Variants in WDR27 observed in about 807,000 individuals in gnomAD.
The protein encoded by WDR27 is WD repeat-containing protein 27.
A neutral mutation model predicts 114.4 loss-of-function variants in WDR27; 100 were observed. That is an observed-to-expected ratio of 0.87 (90% CI 0.74 to 1.03). WDR27 has a LOEUF of 1.03. Ranked by LOEUF, WDR27 falls within the 50% of genes least tolerant of loss-of-function variation. The probability of loss-of-function intolerance (pLI) is 0.00; values close to 1 mark genes in which losing one functional copy is unlikely to be tolerated. For synonymous variants in WDR27, 449 were observed against 423.1 expected (o/e 1.06, Z -0.75); for missense variants, 1,129 against 1,092.9 (o/e 1.03, Z -0.47).
intron 25 of WDR27, among the ~76,000 whole-genome samples, chr6:169,514,970 G>A (rs376174865): frequency 2.5e-4 from 38 of 151,664 alleles, no homozygotes; most frequent in African/African-American, 8.7e-4. Context: ...CTTTCCCTAC[G>A]AGATTGGAAA....
intron 25 of WDR27, among the ~76,000 whole-genome samples, chr6:169,518,907 C>G (rs1035444839): frequency 6.6e-6 from 1 of 152,180 alleles, no homozygotes; most frequent in African/African-American, 2.4e-5. Flanking sequence ...AGCAGCCAGG[C>G]CACATCTTGA....
At chr6:169,607,302 A>T (rs1258679017) in intron 22 of WDR27, among the ~76,000 whole-genome samples, 1 of 152,154 alleles carries the variant, frequency 6.6e-6, no homozygotes, top group East Asian at 1.9e-4. Flanking sequence ...GTTTATTGCA[A>T]CACTGTTTAT....
chr6:169,644,279 C>A (rs1335473659), intron 16 of WDR27, among the ~76,000 whole-genome samples: 1 of 151,596 alleles, frequency 6.6e-6, no homozygotes, highest in African/African-American at 2.4e-5. Context: ...AGGAGTCACA[C>A]TGTAGAAAAG....
At chr6:169,494,118 G>C (rs532333907) in intron 25 of WDR27, among the ~76,000 whole-genome samples, 13 of 152,304 alleles carry the variant, frequency 8.5e-5, no homozygotes, top group South Asian at 4.1e-4. Context: ...ACTTGACTGT[G>C]TGATGGGGTG....
At chr6:169,700,234 AG>A (rs1228546143) in intron 1 of WDR27, among the ~76,000 whole-genome samples, 1 of 152,226 alleles carries the variant, frequency 6.6e-6, no homozygotes, top group Non-Finnish European at 1.5e-5. Context: ...GAGGAACCAC[AG>A]CCAGGCCTGA....
chr6:169,664,631 C>T, intron 7 of WDR27: 1 of 1,096,592 alleles, frequency 9.1e-7, no homozygotes, highest in Non-Finnish European at 1.1e-6. Flanking sequence ...GTCCCACATG[C>T]CCTGGGTGAG....
At chr6:169,481,893 T>G (rs1054044373) in intron 25 of WDR27, among the ~76,000 whole-genome samples, 3 of 152,080 alleles carry the variant, frequency 2.0e-5, no homozygotes, top group African/African-American at 4.8e-5. Context: ...ACTGTGAGGG[T>G]CCGCGGCTTC....
the WDR27 span, chr6:169,426,433 CTTA>C: frequency 1.0e-3 from 156 of 152,288 alleles, no homozygotes; most frequent in African/African-American, 3.4e-3. Context: ...TGACAAGCCC[CTTA>C]TTAACTTTAT....
chr6:169,660,314 G>A (rs1825717732), intron 10 of WDR27, among the ~76,000 whole-genome samples: 1 of 152,174 alleles, frequency 6.6e-6, no homozygotes, highest in Non-Finnish European at 1.5e-5. Context: ...GCGAGCCTGG[G>A]GCTCTGGGAG....
chr6:169,448,913 G>A, the WDR27 span, among the ~76,000 whole-genome samples: 2 of 152,192 alleles, frequency 1.3e-5, no homozygotes, highest in Admixed American at 6.5e-5. Flanking sequence ...CACGGCAAGA[G>A]TGCATGCAGC....
intron 25 of WDR27, among the ~76,000 whole-genome samples, chr6:169,516,013 T>C (rs76861634): frequency 0.031 from 4,665 of 152,206 alleles, 103 homozygotes; most frequent in Middle Eastern, 0.065. Flanking sequence ...ACTCCAGCAT[T>C]CATCTGGAAA....
intron 25 of WDR27, among the ~76,000 whole-genome samples, chr6:169,539,289 C>T (rs897777577): frequency 3.9e-5 from 6 of 152,274 alleles, no homozygotes; most frequent in Admixed American, 1.3e-4. Context: ...CGCCCCAACC[C>T]GCTGGGAAGC....
In WDR27 at chr6:169,602,336, GA is replaced by G. The variant is rs2128170879; in HGVS notation, c.2322-16del. 2 of 1,476,092 alleles carry G rather than the reference GA, an allele frequency of 1.4e-6. No homozygotes were observed. The highest frequency in any genetic ancestry group is 5.0e-5 in the East Asian group (2 of 39,930). 91.4% of individuals were successfully genotyped at this position (1,476,092 alleles called of 1,614,324 possible). ...GGCGCTCACACCTACAGGGAGGAAA[GA>G]AACACCAGGAGAAAAATCATTTTAA... On this transcript the variant is annotated splice_polypyrimidine_tract_variant and intron_variant, in intron 22 of 25. Transcript: ENST00000448612.
chr6:169,560,896 G>T (rs1799588410), intron 25 of WDR27, among the ~76,000 whole-genome samples: 1 of 152,084 alleles, frequency 6.6e-6, no homozygotes, highest in Non-Finnish European at 1.5e-5. Context: ...CCTAATTTTA[G>T]AGATAAGAAA....
chr6:169,658,470 T>C (rs1293895520), intron 12 of WDR27, 112 bp from the exon 13 acceptor site: 3 of 768,664 alleles, frequency 3.9e-6, no homozygotes, highest in Non-Finnish European at 6.7e-6. Flanking sequence ...CCTGCAGCTG[T>C]GGACATAACA....
At chr6:169,672,950 G>T (rs941471757) in intron 2 of WDR27, among the ~76,000 whole-genome samples, 1 of 152,172 alleles carries the variant, frequency 6.6e-6, no homozygotes, top group Admixed American at 6.5e-5. Context: ...TGTTTTCCAG[G>T]AACAAAACAT....
chr6:169,443,387 G>A, the WDR27 span, among the ~76,000 whole-genome samples: 1,351 of 152,012 alleles, frequency 8.9e-3, 12 homozygotes, highest in African/African-American at 0.03. Flanking sequence ...GCTTTGATAG[G>A]CATGTTTTCT....
At chr6:169,513,785 G>T (rs1404851842) in intron 25 of WDR27, among the ~76,000 whole-genome samples, 3 of 151,724 alleles carry the variant, frequency 2.0e-5, no homozygotes, top group African/African-American at 7.3e-5. Context: ...TCATTCACTT[G>T]TTTAACATAG....
rs182731585 is a variant in WDR27, at chr6:169,573,433, A to G, written c.2524-893T>C. On this transcript the variant is annotated intron_variant, in intron 24 of 25. Transcript: ENST00000448612. ...ACTGTGCAAGTCCACTTATAGATGG[A>G]TTATTTTTCAACCAAACTCGGATCA... is the stretch of plus-strand genomic sequence containing the variant. 4.5e-3 allele frequency among the ~76,000 whole-genome samples: 687 copies of G among 152,310 alleles called. 7 individuals are homozygous for G. The highest frequency in any genetic ancestry group is 0.016 in the African/African-American group (654 of 41,560).
Sources: allele counts gnomAD v4.1 joint callset (sites outside exome capture counted in the v4.1 genomes callset), GRCh38; gene constraint gnomAD v4.1.1; transcripts MANE v1.5; gene names NCBI Gene and HGNC (gene_info 2026-07-23, HGNC 2026-07-21).